The following CENPP variants were observed in gnomAD, a reference collection of about 807,000 sequenced individuals.
The protein encoded by CENPP is centromere protein P.
CENPP carries 24 observed loss-of-function variants against 35.6 expected under a neutral mutation model. That is an observed-to-expected ratio of 0.67 (90% CI 0.49 to 0.95). The LOEUF is 0.95. CENPP is among the 40% of genes least tolerant of loss of function. The pLI is 0.00. For synonymous variants in CENPP, 120 were observed against 125.5 expected (o/e 0.96, Z 0.29); for missense variants, 332 against 345.3 (o/e 0.96, Z 0.31).
chr9:92,468,073 G>T (rs563079316), intron 5 of CENPP, among the ~76,000 whole-genome samples: 1 of 152,286 alleles, frequency 6.6e-6, no homozygotes, highest in East Asian at 1.9e-4. Context: ...GTGAAGAAAG[G>T]TGACTTGCCT....
intron 5 of CENPP, among the ~76,000 whole-genome samples, chr9:92,581,474 A>G (rs1850424088): frequency 6.6e-6 from 1 of 152,222 alleles, no homozygotes; most frequent in Non-Finnish European, 1.5e-5. Flanking sequence ...AAGCATCCAA[A>G]GGAATGGATT....
intron 5 of CENPP, among the ~76,000 whole-genome samples, chr9:92,426,854 A>G (rs1843980671): frequency 6.6e-6 from 1 of 152,230 alleles, no homozygotes; most frequent in South Asian, 2.1e-4. Context: ...TTATATACAC[A>G]TAGTACACAC....
intron 4 of CENPP, among the ~76,000 whole-genome samples, chr9:92,373,288 G>T (rs1053734279): frequency 6.6e-6 from 1 of 151,866 alleles, no homozygotes; most frequent in Non-Finnish European, 1.5e-5. Flanking sequence ...ATATATTAAC[G>T]ACTGGGCTAT....
chr9:92,465,796 G>A (rs552833849), intron 5 of CENPP, among the ~76,000 whole-genome samples: 88 of 151,408 alleles, frequency 5.8e-4, no homozygotes, highest in African/African-American at 2.1e-3. Context: ...TTAGGGTCTG[G>A]TCAGAAACAG....
rs994297975 is a variant in CENPP at position 92,617,032 on chromosome 9, C to T, written c.*3883C>T. ...GGCCTTGGCGCTCACTGCTGCCCTG[C>T]CCCAGAATCCTGTTTGTAGAAAAAA... On this transcript the variant is annotated 3_prime_UTR_variant, in exon 8 of 8. Transcript: ENST00000375587. The T allele has an allele frequency of 6.6e-6, 1 of 152,278 alleles. No individual in the cohort carries two copies. Among genetic ancestry groups the T allele is most frequent in the African/African-American group, 2.4e-5 (1 of 41,452 alleles). The allele number at this position is 152,278 out of a possible 1,614,324, so 9.4% of individuals were successfully genotyped here. A position where few individuals can be genotyped will look rare whatever the true frequency, so the allele number is the denominator to read the frequency against.
At chr9:92,573,718 C>T (rs1850208414) in intron 5 of CENPP, among the ~76,000 whole-genome samples, 1 of 151,482 alleles carries the variant, frequency 6.6e-6, no homozygotes, top group Non-Finnish European at 1.5e-5. Flanking sequence ...CAGAGGCAGG[C>T]AGGCCTACTG....
chr9:92,547,719 T>A (rs1026097513), intron 5 of CENPP, among the ~76,000 whole-genome samples: 1 of 152,230 alleles, frequency 6.6e-6, no homozygotes, highest in African/African-American at 2.4e-5. Context: ...GACTAAAATG[T>A]TCTAAAAATA....
intron 4 of CENPP, among the ~76,000 whole-genome samples, chr9:92,367,221 C>T (rs1279943064): frequency 6.6e-6 from 1 of 152,144 alleles, no homozygotes; most frequent in Non-Finnish European, 1.5e-5. Context: ...GGCTGGAGTG[C>T]AGTGGCACAA....
chr9:92,393,149 C>T lies in CENPP; in HGVS notation c.564+13290C>T, dbSNP rs1842757175. Reference sequence around the variant, plus strand: ...TTGTTGAATCGTGCGTAAAGATAGGCTGATTCCTTTGGTAAGGGTGGTACA... The same window carrying T: ...TTGTTGAATCGTGCGTAAAGATAGGTTGATTCCTTTGGTAAGGGTGGTACA... On this transcript the variant is annotated intron_variant, in intron 5 of 7. Coordinates refer to ENST00000375587, the MANE Select transcript of CENPP (RefSeq NM_001012267.3). 6.2e-7 allele frequency: 1 copy of T among 1,613,888 alleles called. No homozygotes were observed. Among genetic ancestry groups the T allele is most frequent in the Non-Finnish European group, 8.5e-7 (1 of 1,179,904 alleles).
At chr9:92,446,060 T>A (rs1345301323) in intron 5 of CENPP, among the ~76,000 whole-genome samples, 1 of 152,140 alleles carries the variant, frequency 6.6e-6, no homozygotes, top group Non-Finnish European at 1.5e-5. Context: ...AGAATAAAAG[T>A]TGCTAGCACT....
At chr9:92,399,342 C>T (rs761458525) in intron 5 of CENPP, among the ~76,000 whole-genome samples, 1 of 152,062 alleles carries the variant, frequency 6.6e-6, no homozygotes, top group Admixed American at 6.5e-5. Context: ...TCATTTAAAT[C>T]ATCTTGTGAA....
At chr9:92,472,657 CA>C (rs1376436612) in intron 5 of CENPP, among the ~76,000 whole-genome samples, 1 of 151,664 alleles carries the variant, frequency 6.6e-6, no homozygotes, top group East Asian at 1.9e-4. Context: ...GACTCTGTCT[CA>C]AAAAAATAAT....
chr9:92,421,420 G>T lies in CENPP; in HGVS notation c.564+41561G>T, dbSNP rs564032741. Among the ~76,000 whole-genome samples, 238 of 152,318 alleles carry T rather than the reference G, an allele frequency of 1.6e-3. 1 individual carries two copies. The highest frequency in any genetic ancestry group is 5.6e-3 in the African/African-American group (234 of 41,568). On this transcript the variant is annotated intron_variant, in intron 5 of 7. Coordinates refer to ENST00000375587, the MANE Select transcript of CENPP (RefSeq NM_001012267.3). ...TTTAATGAATTAACATATTTGGGCT[G>T]TGATTTCACACTACAGTCAGTGTTC... is the stretch of plus-strand genomic sequence containing the variant.
At chr9:92,396,452 A>G (rs972910860) in intron 5 of CENPP, among the ~76,000 whole-genome samples, 7 of 151,990 alleles carry the variant, frequency 4.6e-5, no homozygotes, top group Admixed American at 2.0e-4. Context: ...TGACATCTTA[A>G]TGATATTGAA....
At chr9:92,435,994 A>G (rs1844237472) in intron 5 of CENPP, among the ~76,000 whole-genome samples, 1 of 152,230 alleles carries the variant, frequency 6.6e-6, no homozygotes, top group Admixed American at 6.5e-5. Context: ...ACTATTTTCC[A>G]GAACAGCTGC....
At chr9:92,597,277 T>A (rs1425228214) in intron 5 of CENPP, among the ~76,000 whole-genome samples, 1 of 152,100 alleles carries the variant, frequency 6.6e-6, no homozygotes, top group Non-Finnish European at 1.5e-5. Flanking sequence ...GCAAGTCGAC[T>A]GCACAGGGCC....
intron 5 of CENPP, among the ~76,000 whole-genome samples, chr9:92,461,493 G>T (rs1333519224): frequency 6.6e-6 from 1 of 151,964 alleles, no homozygotes; most frequent in Non-Finnish European, 1.5e-5. Context: ...CTCTTCTTTT[G>T]ATTTATTTCC....
chr9:92,536,264 C>T (rs7862383), intron 5 of CENPP, among the ~76,000 whole-genome samples: 1 of 151,842 alleles, frequency 6.6e-6, no homozygotes, highest in Non-Finnish European at 1.5e-5. Context: ...GTTGGAAACA[C>T]AAAAATGAGC....
chr9:92,410,737 G>A (rs972022499), intron 5 of CENPP, among the ~76,000 whole-genome samples: 1 of 152,150 alleles, frequency 6.6e-6, no homozygotes, highest in African/African-American at 2.4e-5. Flanking sequence ...TGGATCTGTG[G>A]GCTGCTGGGC....
Sources: gnomAD v4.1 joint callset for allele counts (sites outside exome capture counted in the v4.1 genomes callset) on GRCh38, gnomAD v4.1.1 for gene constraint, MANE v1.5 for transcripts, NCBI Gene and HGNC (gene_info 2026-07-23, HGNC 2026-07-21) for gene names.